The following GPC6 variants were observed in gnomAD, a reference collection of about 807,000 sequenced individuals.
The protein encoded by GPC6 is glypican 6.
In GPC6, 14 loss-of-function variants were observed where a neutral mutation model predicts 55.2. The observed-to-expected ratio is 0.25, with a 90% CI of 0.17 to 0.40. The LOEUF (loss-of-function observed/expected upper bound fraction) is 0.40. GPC6 is among the 10% of genes least tolerant of loss of function. GPC6 has a pLI of 1.00. For synonymous variants in GPC6, 278 were observed against 259.6 expected (o/e 1.07, Z -0.68); for missense variants, 641 against 708.5 (o/e 0.90, Z 1.08).
At chr13:93,409,323 A>G (rs189226665) in intron 1 of GPC6, among the ~76,000 whole-genome samples, 76 of 152,184 alleles carry the variant, frequency 5.0e-4, no homozygotes, top group African/African-American at 1.7e-3. Context: ...TTAAGTAACT[A>G]TAAACAAGAG....
At chr13:93,974,997 C>CT (rs1380542533) in intron 3 of GPC6, among the ~76,000 whole-genome samples, 16 of 152,274 alleles carry the variant, frequency 1.1e-4, no homozygotes, top group African/African-American at 3.8e-4. Context: ...AGCTCATGCT[C>CT]TTACCTACAA....
At chr13:93,274,975 G>C (rs1282588502) in intron 1 of GPC6, among the ~76,000 whole-genome samples, 1 of 152,170 alleles carries the variant, frequency 6.6e-6, no homozygotes, top group East Asian at 1.9e-4. Flanking sequence ...AGGATTTATG[G>C]TTAGACACTG....
chr13:94,156,310 T>C (rs957801958), intron 4 of GPC6, among the ~76,000 whole-genome samples: 1 of 152,028 alleles, frequency 6.6e-6, no homozygotes, highest in East Asian at 1.9e-4. Flanking sequence ...TTCAGAAAGG[T>C]CATAAATGTC....
chr13:93,762,568 G>A (rs1433030160), intron 2 of GPC6, among the ~76,000 whole-genome samples: 1 of 152,168 alleles, frequency 6.6e-6, no homozygotes, highest in Non-Finnish European at 1.5e-5. Context: ...GCTACTGAGA[G>A]TTACAAAGCA....
intron 3 of GPC6, among the ~76,000 whole-genome samples, chr13:93,999,899 G>A (rs1881724040): frequency 1.3e-5 from 2 of 152,110 alleles, no homozygotes; most frequent in African/African-American, 2.4e-5. Flanking sequence ...TATTGAAAGC[G>A]AGGCAATGAA....
At chr13:94,399,851 A>C (rs1290253155) in intron 8 of GPC6, among the ~76,000 whole-genome samples, 1 of 152,154 alleles carries the variant, frequency 6.6e-6, no homozygotes, top group African/African-American at 2.4e-5. Context: ...AGAACATTAC[A>C]CAGGTTTCAG....
intron 3 of GPC6, among the ~76,000 whole-genome samples, chr13:93,909,939 C>T (rs531870415): frequency 6.6e-6 from 1 of 152,082 alleles, no homozygotes; most frequent in Non-Finnish European, 1.5e-5. Flanking sequence ...TCCACCTCCC[C>T]GCTCCTACCC....
At chr13:93,363,117 G>GGT (rs1555293916) in intron 1 of GPC6, among the ~76,000 whole-genome samples, 4 of 126,012 alleles carry the variant, frequency 3.2e-5, no homozygotes, top group Non-Finnish European at 5.0e-5. Context: ...CTTTTTTTTT[G>GGT]TTTTTTTTTT....
At chr13:94,230,657 C>T (rs1890695064) in intron 4 of GPC6, among the ~76,000 whole-genome samples, 1 of 152,142 alleles carries the variant, frequency 6.6e-6, no homozygotes, top group South Asian at 2.1e-4. Context: ...TACTTAAATT[C>T]CCTTGACCTA....
chr13:93,726,667 C>G (rs895065018), intron 2 of GPC6, among the ~76,000 whole-genome samples: 1 of 152,018 alleles, frequency 6.6e-6, no homozygotes, highest in African/African-American at 2.4e-5. Context: ...TGAGGATGGG[C>G]AATTGGAATG....
At chr13:93,951,390 C>A (rs1185182761) in intron 3 of GPC6, among the ~76,000 whole-genome samples, 1 of 152,126 alleles carries the variant, frequency 6.6e-6, no homozygotes, top group Admixed American at 6.5e-5. Flanking sequence ...ATTTTGCCAT[C>A]TTCCTCATCC....
intron 1 of GPC6, among the ~76,000 whole-genome samples, chr13:93,438,832 G>T (rs905080227): frequency 2.6e-5 from 4 of 152,122 alleles, no homozygotes; most frequent in African/African-American, 7.2e-5. Context: ...AAATAGGATA[G>T]CATGCTACAG....
chr13:94,017,557 C>A (rs549237272), intron 3 of GPC6, among the ~76,000 whole-genome samples: 1 of 152,220 alleles, frequency 6.6e-6, no homozygotes, highest in East Asian at 1.9e-4. Context: ...ATCTCCTAGG[C>A]CTGCCCTTGA....
At chr13:93,843,503 A>G (rs1406267183) in intron 3 of GPC6, among the ~76,000 whole-genome samples, 1 of 152,150 alleles carries the variant, frequency 6.6e-6, no homozygotes, top group Non-Finnish European at 1.5e-5. Context: ...AATACCTTCC[A>G]TTGGGCCCCA....
At chr13:93,563,469 G>A (rs1034807075) in intron 2 of GPC6, among the ~76,000 whole-genome samples, 1 of 151,502 alleles carries the variant, frequency 6.6e-6, no homozygotes, top group Admixed American at 6.6e-5. Context: ...CCCTTGGGGA[G>A]GGGGTGGGAA....
At chr13:93,972,323 T>C (rs551280231) in intron 3 of GPC6, among the ~76,000 whole-genome samples, 11 of 152,298 alleles carry the variant, frequency 7.2e-5, no homozygotes, top group African/African-American at 2.2e-4. Context: ...AGAAAAAGAA[T>C]AGGGATCGAC....
chr13:93,656,263 A>G (rs1365734837), intron 2 of GPC6, among the ~76,000 whole-genome samples: 3 of 152,208 alleles, frequency 2.0e-5, no homozygotes, highest in African/African-American at 7.2e-5. Context: ...AAGACAAGAA[A>G]GTCATCAAAT....
At chr13:94,056,253 C>T (rs1344309126) in intron 4 of GPC6, among the ~76,000 whole-genome samples, 1 of 152,122 alleles carries the variant, frequency 6.6e-6, no homozygotes, top group Non-Finnish European at 1.5e-5. Flanking sequence ...TCTCCCCTTT[C>T]TATTATTCCC....
At chr13:94,267,296 AGG>A (rs1228030355) in intron 4 of GPC6, among the ~76,000 whole-genome samples, 1 of 152,124 alleles carries the variant, frequency 6.6e-6, no homozygotes, top group Non-Finnish European at 1.5e-5. Flanking sequence ...GTAACCTATA[AGG>A]GTTAGCTTGG....
Sources: gnomAD v4.1 joint callset for allele counts (sites outside exome capture counted in the v4.1 genomes callset) on GRCh38, gnomAD v4.1.1 for gene constraint, MANE v1.5 for transcripts, NCBI Gene and HGNC (gene_info 2026-07-23, HGNC 2026-07-21) for gene names.